RNF180: variants seen among roughly 807,000 people sequenced by gnomAD.
RNF180 encodes the protein E3 ubiquitin-protein ligase RNF180.
In RNF180, 38 loss-of-function variants were observed where a neutral mutation model predicts 59.2. The ratio of observed to expected loss-of-function variants is 0.64; its 90% CI spans 0.50 to 0.84. The LOEUF is 0.84. Among genes scored for constraint, RNF180 ranks in the 40% least tolerant of loss-of-function variants. The probability of loss-of-function intolerance (pLI) is 0.00; values close to 1 mark genes in which losing one functional copy is unlikely to be tolerated. For missense variants in RNF180, 705 were observed against 700.9 expected (o/e 1.01, Z -0.07); for synonymous variants, 262 against 240.3 (o/e 1.09, Z -0.84).
At chr5:64,320,717 A>C (rs1744299518) in intron 5 of RNF180, among the ~76,000 whole-genome samples, 2 of 152,190 alleles carry the variant, frequency 1.3e-5, no homozygotes, top group South Asian at 4.1e-4. Context: ...GGAAAAACAG[A>C]TCCAGAAAAC....
chr5:64,369,473 AAAAG>A (rs1430974147), intron 7 of RNF180, 138 bp from the exon 8 acceptor site: 1 of 491,358 alleles, frequency 2.0e-6, no homozygotes, highest in Non-Finnish European at 3.5e-6. Context: ...TAATAAAAAA[AAAAG>A]AAAAAACTGT....
rs139103994 is a variant in RNF180, at chr5:64,293,523, A to T, written c.1228-31663A>T. 3.4e-3 allele frequency among the ~76,000 whole-genome samples: 517 copies of T among 152,200 alleles called. 2 individuals are homozygous for T. The highest frequency in any genetic ancestry group is 0.011 in the African/African-American group (469 of 41,554). On this transcript the variant is annotated intron_variant, in intron 5 of 7. Coordinates refer to ENST00000389100, the MANE Select transcript of RNF180 (RefSeq NM_001113561.2). The stretch of plus-strand genomic sequence containing the variant: ...TTATTTTAATTTTATTTTAAATCTA[A>T]ACTTGCACTATTATGTAATCATTAA...
At chr5:64,271,390 G>A (rs116555993) in intron 5 of RNF180, among the ~76,000 whole-genome samples, 2,431 of 152,088 alleles carry the variant, frequency 0.016, 32 homozygotes, top group Non-Finnish European at 0.027. Context: ...AGTATGAAAA[G>A]TAATTATAGT....
chr5:64,205,800 AAG>A (rs1361574873), intron 2 of RNF180, among the ~76,000 whole-genome samples: 1 of 152,162 alleles, frequency 6.6e-6, no homozygotes, highest in African/African-American at 2.4e-5. Context: ...GAGAAAAAAA[AAG>A]AGTGAAAAAA....
chr5:64,190,442 A>G (rs1180653238), intron 1 of RNF180, among the ~76,000 whole-genome samples: 1 of 152,112 alleles, frequency 6.6e-6, no homozygotes, highest in Non-Finnish European at 1.5e-5. Context: ...CCTGATTTAG[A>G]TGATATTTAG....
chr5:64,368,387 T>G (rs1746529421), intron 7 of RNF180, among the ~76,000 whole-genome samples: 1 of 151,744 alleles, frequency 6.6e-6, no homozygotes, highest in East Asian at 1.9e-4. Flanking sequence ...AATAATTACA[T>G]TTGATCCCCA....
chr5:64,225,696 G>A (rs188608192), intron 5 of RNF180, among the ~76,000 whole-genome samples: 11,575 of 132,086 alleles, frequency 0.088, 269 homozygotes, highest in South Asian at 0.13. Flanking sequence ...AGTGAGGAGC[G>A]CCTCTGCCTG....
intron 7 of RNF180, among the ~76,000 whole-genome samples, chr5:64,347,773 C>T (rs938765044): frequency 1.3e-5 from 2 of 152,042 alleles, no homozygotes; most frequent in Non-Finnish European, 2.9e-5. Context: ...GAAATCTTTG[C>T]CTTTACGAGT....
At chr5:64,330,257 C>G in intron 6 of RNF180, 24 bp from the exon 7 acceptor site, 2 of 1,382,104 alleles carry the variant, frequency 1.4e-6, no homozygotes, top group Non-Finnish European at 2.0e-6. Flanking sequence ...TTTCAAAATC[C>G]TATTTTCTTT....
intron 7 of RNF180, among the ~76,000 whole-genome samples, chr5:64,344,461 A>C (rs1396792213): frequency 6.6e-6 from 1 of 152,230 alleles, no homozygotes; most frequent in Non-Finnish European, 1.5e-5. Flanking sequence ...GAATTAAAAC[A>C]AGAAATAGAA....
intron 5 of RNF180, among the ~76,000 whole-genome samples, chr5:64,219,815 G>C (rs1005212013): frequency 6.6e-6 from 1 of 152,004 alleles, no homozygotes; most frequent in Non-Finnish European, 1.5e-5. Context: ...CACCGCGCCT[G>C]GCCGAGGATA....
At chr5:64,175,313 G>A (rs1038259280) in intron 1 of RNF180, among the ~76,000 whole-genome samples, 5 of 152,156 alleles carry the variant, frequency 3.3e-5, no homozygotes, top group Admixed American at 1.3e-4. Flanking sequence ...GGTAGAAGAC[G>A]GGGGTTTAGT....
intron 1 of RNF180, 108 bp from the exon 2 acceptor site, chr5:64,200,700 T>C: frequency 1.1e-6 from 1 of 876,830 alleles, no homozygotes; most frequent in Non-Finnish European, 1.7e-6. Context: ...TAATAAATGA[T>C]AGTTCCCTGC....
intron 5 of RNF180, among the ~76,000 whole-genome samples, chr5:64,308,633 A>C (rs1743597816): frequency 6.6e-6 from 1 of 151,656 alleles, no homozygotes; most frequent in Admixed American, 6.6e-5. Context: ...CTTATTCCAG[A>C]ATATGGCACT....
At chr5:64,174,350 A>G (rs1374811922) in intron 1 of RNF180, among the ~76,000 whole-genome samples, 2 of 152,136 alleles carry the variant, frequency 1.3e-5, no homozygotes, top group African/African-American at 4.8e-5. Flanking sequence ...ATCATGTTGA[A>G]GTTCACTATT....
chr5:64,226,984 G>C (rs776151171), intron 5 of RNF180, among the ~76,000 whole-genome samples: 3 of 152,182 alleles, frequency 2.0e-5, no homozygotes, highest in Non-Finnish European at 4.4e-5. Context: ...GAGAAACCCG[G>C]CTGACTCCCT....
At chr5:64,325,021 A>G (rs1055630516) in intron 5 of RNF180, among the ~76,000 whole-genome samples, 165 bp from the exon 6 acceptor site, 3 of 152,132 alleles carry the variant, frequency 2.0e-5, no homozygotes, top group Admixed American at 1.3e-4. Context: ...TTTCATGTAT[A>G]TTTTTAGTTT....
At position 64,359,492 on chromosome 5, in the gene RNF180, T is replaced by G. The variant is rs1465630587; in HGVS notation, c.1580-10123T>G. ...CTTTTTGATGGGGTTGTTTGTTTTT[T>G]TCTTGTAAATTTGTTTGAGTTCATT... On this transcript the variant is annotated intron_variant, in intron 7 of 7. Coordinates refer to ENST00000389100, the MANE Select transcript of RNF180 (RefSeq NM_001113561.2). Among the ~76,000 whole-genome samples the G allele has an allele frequency of 2.0e-5, 3 of 152,172 alleles. No homozygotes were observed. The South Asian group carries it at 6.2e-4, about 32-fold the overall frequency.
intron 5 of RNF180, among the ~76,000 whole-genome samples, chr5:64,234,578 CTTTTTTTTTTTTTTTTTT>C (rs1171637074): frequency 5.2e-4 from 25 of 48,522 alleles, no homozygotes; most frequent in South Asian, 9.7e-4. Context: ...GTTACCCGTT[CTTTTTTTTTTTTTTTTTT>C]TTTTTTTTTT....
Sources: allele counts gnomAD v4.1 joint callset (sites outside exome capture counted in the v4.1 genomes callset), GRCh38; gene constraint gnomAD v4.1.1; transcripts MANE v1.5; gene names NCBI Gene and HGNC (gene_info 2026-07-23, HGNC 2026-07-21).